Variants in GUCY1A1 observed in about 807,000 individuals in gnomAD.
The protein encoded by GUCY1A1 is guanylate cyclase soluble subunit alpha-1.
In GUCY1A1, 48 loss-of-function variants were observed where a neutral mutation model predicts 64.5. The observed-to-expected ratio is 0.74, with a 90% CI of 0.59 to 0.95. GUCY1A1 has a LOEUF of 0.95. GUCY1A1 is among the 40% of genes least tolerant of loss of function. GUCY1A1 has a pLI of 0.00. For missense variants in GUCY1A1, 804 were observed against 825.3 expected (o/e 0.97, Z 0.32); for synonymous variants, 308 against 303.4 (o/e 1.02, Z -0.16).
chr4:155,713,388 C>T lies in GUCY1A1; in HGVS notation c.1377C>T (p.Pro459=), dbSNP rs748117397. 20 of 1,613,978 alleles carry T rather than the reference C, an allele frequency of 1.2e-5. No homozygotes were observed. In the South Asian group the frequency reaches 1.8e-4, roughly 14 times the overall value. Residue 459 remains proline (P), a synonymous_variant, in exon 7 of 10, where the codon CCC becomes CCT. Transcript: ENST00000506455. ...TAGACCTTCTGTGCTCCATATTTCC[C>T]TGTGAGGTTGCTCAGCAGCTGTGGC... ...KTVDLLCSIF[P]CEVAQQLWQG...
chr4:155,723,052 T>C (rs939494707), intron 9 of GUCY1A1, among the ~76,000 whole-genome samples: 2 of 152,270 alleles, frequency 1.3e-5, no homozygotes, highest in Middle Eastern at 3.4e-3. Context: ...ATCCACAAGA[T>C]TGATTTTTCT....
chr4:155,713,615 C>T, intron 7 of GUCY1A1, 32 bp downstream of exon 7: 1 of 1,596,464 alleles, frequency 6.3e-7, no homozygotes, highest in Middle Eastern at 1.7e-4. Context: ...AATTGTTTTA[C>T]CAGCAAACTC....
At chr4:155,727,568 A>G (rs748059936) in intron 9 of GUCY1A1, among the ~76,000 whole-genome samples, 1 of 151,894 alleles carries the variant, frequency 6.6e-6, no homozygotes, top group Non-Finnish European at 1.5e-5. Flanking sequence ...TGCTGTAGAT[A>G]GAAAAAATAA....
intron 2 of GUCY1A1, among the ~76,000 whole-genome samples, chr4:155,677,349 T>C (rs894070053): frequency 1.3e-5 from 2 of 152,342 alleles, no homozygotes; most frequent in South Asian, 2.1e-4. Flanking sequence ...TATTGGTCCA[T>C]TGAAATTTAT....
At chr4:155,668,638 T>G (rs1733696212) in intron 2 of GUCY1A1, among the ~76,000 whole-genome samples, 1 of 152,156 alleles carries the variant, frequency 6.6e-6, no homozygotes. Context: ...TGGTTCAGAG[T>G]GTAGAAGTGG....
At chr4:155,692,973 T>C (rs1729948538) in intron 2 of GUCY1A1, among the ~76,000 whole-genome samples, 1 of 152,026 alleles carries the variant, frequency 6.6e-6, no homozygotes. Flanking sequence ...GCAGAAGAAT[T>C]GCTTGAGCCC....
At chr4:155,715,808 T>C (rs4691868) in intron 7 of GUCY1A1, among the ~76,000 whole-genome samples, 148,600 of 152,294 alleles carry the variant, frequency 0.98, 72,532 homozygotes, top group East Asian at 1. Flanking sequence ...ATAAACTAGA[T>C]AAACTCAAAG....
At chr4:155,683,396 C>A (rs1196765768) in intron 2 of GUCY1A1, among the ~76,000 whole-genome samples, 1 of 152,128 alleles carries the variant, frequency 6.6e-6, no homozygotes, top group Non-Finnish European at 1.5e-5. Context: ...ATTTAGTTAG[C>A]CTATCTATGT....
intron 3 of GUCY1A1, among the ~76,000 whole-genome samples, chr4:155,698,252 T>C (rs1296550865): frequency 7.0e-6 from 1 of 143,518 alleles, no homozygotes; most frequent in Non-Finnish European, 1.6e-5. Flanking sequence ...TAAATTAGAC[T>C]TAGCAGAAAG....
chr4:155,674,785 T>TA (rs1734662386), intron 2 of GUCY1A1, among the ~76,000 whole-genome samples: 1 of 151,656 alleles, frequency 6.6e-6, no homozygotes, highest in African/African-American at 2.4e-5. Flanking sequence ...ACGGTTAACT[T>TA]ATTTTTATAA....
chr4:155,723,371 G>A (rs1734221165), intron 9 of GUCY1A1, among the ~76,000 whole-genome samples: 1 of 152,076 alleles, frequency 6.6e-6, no homozygotes, highest in Non-Finnish European at 1.5e-5. Context: ...CTGTCGCCTT[G>A]ACAACATGTA....
At chr4:155,703,529 C>T (rs752821288) in intron 3 of GUCY1A1, among the ~76,000 whole-genome samples, 1 of 152,076 alleles carries the variant, frequency 6.6e-6, no homozygotes, top group Non-Finnish European at 1.5e-5. Context: ...AAGTATTGGC[C>T]GCCCGTCCAG....
intron 2 of GUCY1A1, among the ~76,000 whole-genome samples, chr4:155,671,274 T>C (rs1353083692): frequency 6.6e-6 from 1 of 152,178 alleles, no homozygotes; most frequent in Non-Finnish European, 1.5e-5. Context: ...ATTTTAACTC[T>C]GCTCCAACCC....
intron 2 of GUCY1A1, among the ~76,000 whole-genome samples, chr4:155,682,577 C>A (rs966653247): frequency 5.3e-5 from 8 of 151,934 alleles, no homozygotes; most frequent in Non-Finnish European, 8.8e-5. Flanking sequence ...GAGGCTGAGG[C>A]CGGAGAATCG....
In GUCY1A1 at chr4:155,734,933, G is replaced by A. The variant is rs756565097; in HGVS notation, c.*4702G>A. On this transcript the variant is annotated 3_prime_UTR_variant, in exon 10 of 10. Transcript: ENST00000506455. ...AATTACTGAAAGCCATAAGCTTACA[G>A]TAACGGAGCCAATTAATCCTTTGTC... The A allele has an allele frequency of 8.6e-5, 13 of 151,980 alleles. No individual in the cohort carries two copies. Among genetic ancestry groups the A allele is most frequent in the Non-Finnish European group, 1.8e-4 (12 of 67,940 alleles). The allele number at this position is 151,980 out of a possible 1,614,324, so 9.4% of individuals were successfully genotyped here. A position where few individuals can be genotyped will look rare whatever the true frequency, so the allele number is the denominator to read the frequency against.
intron 3 of GUCY1A1, among the ~76,000 whole-genome samples, chr4:155,698,327 G>A (rs1400714786): frequency 1.3e-5 from 2 of 152,284 alleles, no homozygotes; most frequent in Middle Eastern, 3.4e-3. Flanking sequence ...CCTTTGAAAT[G>A]GAAATGTTTA....
intron 2 of GUCY1A1, among the ~76,000 whole-genome samples, chr4:155,668,345 C>G (rs1469280403): frequency 1.3e-5 from 2 of 152,218 alleles, no homozygotes; most frequent in South Asian, 2.1e-4. Context: ...GCTCACTTAA[C>G]GATGACTGGT....
intron 8 of GUCY1A1, among the ~76,000 whole-genome samples, chr4:155,718,021 C>T (rs1465125045): frequency 6.6e-6 from 1 of 152,150 alleles, no homozygotes. Context: ...TTCCAAGGCA[C>T]GTGACATTTC....
At chr4:155,698,227 A>G (rs1001975290) in intron 3 of GUCY1A1, among the ~76,000 whole-genome samples, 2 of 149,878 alleles carry the variant, frequency 1.3e-5, no homozygotes, top group Admixed American at 6.7e-5. Context: ...AAGAAATTGA[A>G]GTTTGAAAGA....
Sources: allele counts gnomAD v4.1 joint callset (sites outside exome capture counted in the v4.1 genomes callset), GRCh38; gene constraint gnomAD v4.1.1; transcripts MANE v1.5; gene names NCBI Gene and HGNC (gene_info 2026-07-23, HGNC 2026-07-21).